Variants in CNTNAP5 observed in about 807,000 individuals in gnomAD.
The protein encoded by CNTNAP5 is contactin associated protein family member 5, also known as contactin-associated protein-like 5.
In CNTNAP5, 72 loss-of-function variants were observed where a neutral mutation model predicts 150.2. That is an observed-to-expected ratio of 0.48 (90% confidence interval 0.40 to 0.58). The LOEUF is 0.58. Among genes scored for constraint, CNTNAP5 ranks in the 20% least tolerant of loss-of-function variants. The probability of loss-of-function intolerance (pLI) is 0.00; values close to 1 mark genes in which losing one functional copy is unlikely to be tolerated. For missense variants in CNTNAP5, 1,636 were observed against 1,626.2 expected, an observed-to-expected ratio of 1.01 and a Z score of -0.10; for synonymous variants, 672 against 619.8, an observed-to-expected ratio of 1.08 and a Z score of -1.25.
intron 3 of CNTNAP5, among the ~76,000 whole-genome samples, chr2:124,390,543 A>G (rs1691084799): frequency 6.6e-6 from 1 of 152,242 alleles, no homozygotes; most frequent in South Asian, 2.1e-4. Context: ...TGTGTAGAGT[A>G]CACAAAGCAG....
At chr2:124,033,853 G>C (rs1208073019) in intron 1 of CNTNAP5, among the ~76,000 whole-genome samples, 1 of 151,774 alleles carries the variant, frequency 6.6e-6, no homozygotes, top group African/African-American at 2.4e-5. Flanking sequence ...TTAAGACACA[G>C]AACCCCACTG....
chr2:124,281,743 C>G (rs1180641160), intron 3 of CNTNAP5, among the ~76,000 whole-genome samples: 2 of 152,068 alleles, frequency 1.3e-5, no homozygotes, highest in Admixed American at 6.6e-5. Context: ...GTTTCACAAG[C>G]GGGCTTCAGG....
At chr2:124,036,503 T>TG (rs1312781214) in intron 1 of CNTNAP5, among the ~76,000 whole-genome samples, 2 of 151,982 alleles carry the variant, frequency 1.3e-5, no homozygotes, top group Admixed American at 6.6e-5. Context: ...TTGACAGTAA[T>TG]GGGGTCAACC....
intron 14 of CNTNAP5, among the ~76,000 whole-genome samples, chr2:124,753,472 C>T (rs1680773768): frequency 6.6e-6 from 1 of 152,194 alleles, no homozygotes; most frequent in African/African-American, 2.4e-5. Context: ...TTAGCCATTA[C>T]TCCTGTTTCA....
intron 21 of CNTNAP5, 73 bp from the exon 22 acceptor site, chr2:124,902,809 C>A (rs1678440179): frequency 9.6e-7 from 1 of 1,039,438 alleles, no homozygotes; most frequent in Non-Finnish European, 1.4e-6. Context: ...AGATACTACT[C>A]AAAGAGGACC....
chr2:124,412,331 T>G (rs1041021933), intron 3 of CNTNAP5, among the ~76,000 whole-genome samples: 3 of 148,660 alleles, frequency 2.0e-5, no homozygotes, highest in Admixed American at 1.3e-4. Flanking sequence ...TTCAATGCCA[T>G]CCCCATAAAG....
intron 17 of CNTNAP5, among the ~76,000 whole-genome samples, chr2:124,774,067 A>G (rs1195381269): frequency 6.6e-6 from 1 of 152,062 alleles, no homozygotes; most frequent in African/African-American, 2.4e-5. Flanking sequence ...GAGCTCTTAA[A>G]GTTAAGAAAT....
Position 124,781,491 on chromosome 2 carries a change from C to T in CNTNAP5, c.2753-8411C>T, listed in dbSNP as rs144981904. ...AGGGAAATTTGCCCTTGGAAGGCAG[C>T]CTGAGACTTGTGTGCCCACTCAGTG... is the stretch of plus-strand genomic sequence containing the variant. On this transcript the variant is annotated intron_variant, in intron 17 of 23. Transcript: ENST00000682447. Among the ~76,000 whole-genome samples, 164 of 152,282 alleles carry T rather than the reference C, an allele frequency of 1.1e-3. 1 individual carries two copies. Among genetic ancestry groups the T allele is most frequent in the African/African-American group, 3.7e-3 (152 of 41,566 alleles).
chr2:124,317,001 G>A (rs142424629), intron 3 of CNTNAP5, among the ~76,000 whole-genome samples: 374 of 152,040 alleles, frequency 2.5e-3, no homozygotes, highest in African/African-American at 8.3e-3. Flanking sequence ...TTAGAATCCC[G>A]AATGATCTGG....
intron 18 of CNTNAP5, among the ~76,000 whole-genome samples, chr2:124,794,848 G>A (rs940585942): frequency 1.2e-4 from 18 of 151,876 alleles, no homozygotes; most frequent in Non-Finnish European, 1.8e-4. Context: ...ATATTACATC[G>A]TATATTGCTA....
intron 13 of CNTNAP5, among the ~76,000 whole-genome samples, chr2:124,690,024 A>T (rs1049565650): frequency 3.3e-5 from 5 of 151,512 alleles, no homozygotes; most frequent in South Asian, 2.1e-4. Context: ...CTTACGGGAA[A>T]TTTTTTTTTG....
At chr2:124,100,149 C>G (rs531264444) in intron 1 of CNTNAP5, among the ~76,000 whole-genome samples, 6 of 152,250 alleles carry the variant, frequency 3.9e-5, no homozygotes, top group African/African-American at 1.4e-4. Flanking sequence ...AAAGCAGGAG[C>G]AGGCACTTCA....
At chr2:124,116,170 C>G (rs976013542) in intron 1 of CNTNAP5, among the ~76,000 whole-genome samples, 2 of 152,148 alleles carry the variant, frequency 1.3e-5, no homozygotes, top group Non-Finnish European at 2.9e-5. Context: ...GCAGCACTTA[C>G]AGCAGAAGGA....
intron 19 of CNTNAP5, among the ~76,000 whole-genome samples, chr2:124,802,169 CAGGTGGAGTA>C (rs1280202189): frequency 6.6e-6 from 1 of 152,156 alleles, no homozygotes; most frequent in Non-Finnish European, 1.5e-5. Context: ...AAGAAGTCAG[CAGGTGGAGTA>C]AGGTGGATGA....
chr2:124,373,777 T>A (rs2104729804), intron 3 of CNTNAP5, among the ~76,000 whole-genome samples: 1 of 151,750 alleles, frequency 6.6e-6, no homozygotes, highest in Middle Eastern at 3.4e-3. Flanking sequence ...TGTATGAAGT[T>A]ATTTATTACA....
At chr2:124,501,298 C>T (rs550759490) in intron 7 of CNTNAP5, among the ~76,000 whole-genome samples, 11 of 152,284 alleles carry the variant, frequency 7.2e-5, no homozygotes, top group African/African-American at 2.2e-4. Flanking sequence ...CTGTGCTTAG[C>T]ACAATTTTAT....
At chr2:124,846,353 G>A (rs776310291) in intron 19 of CNTNAP5, among the ~76,000 whole-genome samples, 4 of 152,016 alleles carry the variant, frequency 2.6e-5, no homozygotes, top group African/African-American at 4.8e-5. Flanking sequence ...TCTTTCTCCC[G>A]CTTGTTTGAT....
chr2:124,145,840 A>AG (rs372133183), intron 1 of CNTNAP5, among the ~76,000 whole-genome samples: 2,581 of 139,956 alleles, frequency 0.018, 101 homozygotes, highest in Admixed American at 0.099. Context: ...AAGAAAAAAA[A>AG]AAAAAATAAA....
intron 10 of CNTNAP5, 92 bp downstream of exon 10, chr2:124,527,548 C>T (rs915064059): frequency 1.3e-4 from 128 of 981,162 alleles, no homozygotes; most frequent in East Asian, 1.2e-3. Flanking sequence ...TCTAATCCAC[C>T]GACATTAGCC....
Sources: gnomAD v4.1 joint callset for allele counts (sites outside exome capture counted in the v4.1 genomes callset) on GRCh38, gnomAD v4.1.1 for gene constraint, MANE v1.5 for transcripts, NCBI Gene and HGNC (gene_info 2026-07-23, HGNC 2026-07-21) for gene names.